CDK6: variants seen among roughly 807,000 people sequenced by gnomAD.
CDK6 encodes the protein cyclin-dependent kinase 6.
In CDK6, 6 loss-of-function variants were observed where a neutral mutation model predicts 37.1. The observed-to-expected ratio is 0.16, with a 90% CI of 0.09 to 0.32. The LOEUF is 0.32. CDK6 is among the 10% of genes least tolerant of loss of function. The pLI is 1.00. For synonymous variants in CDK6, 160 were observed against 161.3 expected (o/e 0.99, Z 0.06); for missense variants, 224 against 418.9 (o/e 0.53, Z 4.06).
chr7:92,652,836 T>A (rs1451373212), intron 5 of CDK6, among the ~76,000 whole-genome samples: 1 of 152,248 alleles, frequency 6.6e-6, no homozygotes, highest in African/African-American at 2.4e-5. Context: ...GTTCTTGATG[T>A]ATGGATTTTG....
intron 2 of CDK6, among the ~76,000 whole-genome samples, chr7:92,809,289 T>C (rs565908424): frequency 2.3e-4 from 35 of 152,320 alleles, no homozygotes; most frequent in African/African-American, 7.9e-4. Context: ...TCTGAAAATT[T>C]TCATCTCCAA....
At chr7:92,736,467 G>A (rs770347409) in intron 3 of CDK6, among the ~76,000 whole-genome samples, 11 of 152,134 alleles carry the variant, frequency 7.2e-5, no homozygotes, top group African/African-American at 1.2e-4. Flanking sequence ...GCACAAGAGC[G>A]CTAGGCACTG....
intron 5 of CDK6, among the ~76,000 whole-genome samples, chr7:92,650,953 A>G (rs1796559906): frequency 6.6e-6 from 1 of 151,692 alleles, no homozygotes; most frequent in African/African-American, 2.4e-5. Flanking sequence ...GCAATGGTGC[A>G]ATCTCGGCTC....
intron 5 of CDK6, among the ~76,000 whole-genome samples, chr7:92,652,941 C>T (rs1214107492): frequency 2.6e-5 from 4 of 152,160 alleles, no homozygotes; most frequent in Non-Finnish European, 4.4e-5. Flanking sequence ...GTGTTGCCTT[C>T]ACACATTAAG....
intron 4 of CDK6, among the ~76,000 whole-genome samples, chr7:92,719,035 C>T (rs568430141): frequency 9.9e-5 from 15 of 152,230 alleles, no homozygotes; most frequent in Non-Finnish European, 8.8e-5. Context: ...TCTGAATCCA[C>T]GAGGTTCCGT....
chr7:92,774,446 A>G (rs1799795546), intron 3 of CDK6, among the ~76,000 whole-genome samples: 1 of 152,222 alleles, frequency 6.6e-6, no homozygotes, highest in Non-Finnish European at 1.5e-5. Flanking sequence ...ATGCATTAGA[A>G]CTAAAGGTTT....
At chr7:92,743,423 T>A (rs1203940648) in intron 3 of CDK6, among the ~76,000 whole-genome samples, 1 of 149,228 alleles carries the variant, frequency 6.7e-6, no homozygotes, top group Non-Finnish European at 1.5e-5. Context: ...AAAATAATAA[T>A]AAAAAAAGAA....
intron 5 of CDK6, among the ~76,000 whole-genome samples, chr7:92,665,619 T>C (rs1032491265): frequency 1.3e-5 from 2 of 152,210 alleles, no homozygotes; most frequent in Non-Finnish European, 2.9e-5. Context: ...ACAAAAGACA[T>C]GCACCTCTTA....
intron 4 of CDK6, among the ~76,000 whole-genome samples, chr7:92,696,283 A>C (rs1797717481): frequency 6.6e-6 from 1 of 152,218 alleles, no homozygotes; most frequent in Admixed American, 6.5e-5. Flanking sequence ...GACAGGCTAA[A>C]TTGCTAACAG....
intron 3 of CDK6, among the ~76,000 whole-genome samples, chr7:92,743,901 G>A (rs1798993330): frequency 6.6e-6 from 1 of 152,152 alleles, no homozygotes; most frequent in Admixed American, 6.5e-5. Context: ...TATAGACTGG[G>A]GAAGGCATAA....
intron 4 of CDK6, among the ~76,000 whole-genome samples, chr7:92,698,878 ATTAAT>A (rs1056778522): frequency 1.2e-4 from 18 of 152,126 alleles, no homozygotes; most frequent in Admixed American, 1.2e-3. Context: ...TATTCATGTA[ATTAAT>A]TTATTTTTTT....
chr7:92,785,335 A>G (rs1253260061), intron 2 of CDK6, among the ~76,000 whole-genome samples: 1 of 152,230 alleles, frequency 6.6e-6, no homozygotes, highest in African/African-American at 2.4e-5. Context: ...CAGAGCAGGT[A>G]GATCTATAGA....
chr7:92,704,377 G>C (rs1386656760), intron 4 of CDK6, among the ~76,000 whole-genome samples: 2 of 152,100 alleles, frequency 1.3e-5, no homozygotes, highest in Non-Finnish European at 2.9e-5. Context: ...TTAATGATGT[G>C]ATAGCTACTT....
chr7:92,754,313 A>G (rs1799260152), intron 3 of CDK6, among the ~76,000 whole-genome samples: 1 of 152,140 alleles, frequency 6.6e-6, no homozygotes, highest in Non-Finnish European at 1.5e-5. Flanking sequence ...ATTTTCCTGT[A>G]CTCATTAGTA....
At chr7:92,702,264 A>T (rs1797868847) in intron 4 of CDK6, among the ~76,000 whole-genome samples, 1 of 79,008 alleles carries the variant, frequency 1.3e-5, no homozygotes, top group South Asian at 4.4e-4. Context: ...ACAGAGTCTT[A>T]CTCTGTCGCC....
chr7:92,763,868 A>G (rs1349392419), intron 3 of CDK6, among the ~76,000 whole-genome samples: 1 of 152,184 alleles, frequency 6.6e-6, no homozygotes, highest in Admixed American at 6.5e-5. Flanking sequence ...GGTACTTATT[A>G]GAAACTCCCT....
chr7:92,714,140 T>G (rs762844816), intron 4 of CDK6, among the ~76,000 whole-genome samples: 13 of 152,132 alleles, frequency 8.5e-5, no homozygotes, highest in Admixed American at 2.0e-4. Context: ...TGAGAACTAC[T>G]ATATTACAGG....
chr7:92,617,092 T>C (rs959482653), intron 7 of CDK6, among the ~76,000 whole-genome samples: 6 of 152,218 alleles, frequency 3.9e-5, no homozygotes, highest in African/African-American at 7.2e-5. Flanking sequence ...CTATGGTAGA[T>C]TGGATAACTT....
At chr7:92,679,246 T>C (rs780641063) in intron 4 of CDK6, among the ~76,000 whole-genome samples, 1 of 152,226 alleles carries the variant, frequency 6.6e-6, no homozygotes, top group Non-Finnish European at 1.5e-5. Context: ...AGTTTTCTCA[T>C]CTGTTAAAGA....
Sources: gnomAD v4.1 joint callset for allele counts (sites outside exome capture counted in the v4.1 genomes callset) on GRCh38, gnomAD v4.1.1 for gene constraint, MANE v1.5 for transcripts, NCBI Gene and HGNC (gene_info 2026-07-23, HGNC 2026-07-21) for gene names.